DIP2C: variants seen among roughly 807,000 people sequenced by gnomAD.
DIP2C encodes the protein disco-interacting protein 2 homolog C.
Under a neutral mutation model 192.4 loss-of-function variants are expected in DIP2C, and 33 were observed. The ratio of observed to expected loss-of-function variants is 0.17; its 90% CI spans 0.13 to 0.23. DIP2C has a LOEUF of 0.23. DIP2C is among the 10% of genes least tolerant of loss of function. The pLI, the probability that DIP2C is intolerant of heterozygous loss-of-function variation, is 1.00. For missense variants in DIP2C, 1,537 were observed against 2,110.1 expected (o/e 0.73, Z 5.32); for synonymous variants, 979 against 864.1 (o/e 1.13, Z -2.33).
intron 1 of DIP2C, among the ~76,000 whole-genome samples, chr10:602,079 C>CGGGGTG (rs1320855357): frequency 9.5e-5 from 5 of 52,826 alleles, no homozygotes; most frequent in South Asian, 6.7e-4. Flanking sequence ...TAAATAAGGT[C>CGGGGTG]GGGGTGGGGG....
At chr10:387,633 A>AG (rs1308391360) in intron 14 of DIP2C, 112 bp downstream of exon 14, 2 of 669,624 alleles carry the variant, frequency 3.0e-6, no homozygotes, top group Non-Finnish European at 2.5e-6. Flanking sequence ...CAGTGTGGGG[A>AG]GGGGACTCCT....
intron 31 of DIP2C, among the ~76,000 whole-genome samples, chr10:316,806 C>A (rs1009550046): frequency 6.6e-6 from 1 of 152,168 alleles, no homozygotes; most frequent in Non-Finnish European, 1.5e-5. Flanking sequence ...TAACATACTG[C>A]CATTTATGTT....
At chr10:498,458 T>C (rs1256189694) in intron 1 of DIP2C, among the ~76,000 whole-genome samples, 1 of 152,166 alleles carries the variant, frequency 6.6e-6, no homozygotes, top group African/African-American at 2.4e-5. Context: ...GTGGAGATGC[T>C]TGCCTCCCCT....
At chr10:339,645 G>C (rs1958046862) in intron 29 of DIP2C, among the ~76,000 whole-genome samples, 1 of 152,106 alleles carries the variant, frequency 6.6e-6, no homozygotes, top group African/African-American at 2.4e-5. Flanking sequence ...CTGCCGTTCA[G>C]CTTGGCGCAT....
At chr10:369,806 G>C (rs752122408) in intron 17 of DIP2C, 173 bp from the exon 18 acceptor site, 1 of 1,327,384 alleles carries the variant, frequency 7.5e-7, no homozygotes, top group South Asian at 1.3e-5. Context: ...TTCTGTTTAT[G>C]AACAGCTGGC....
chr10:428,043 GATCC>G (rs897649986), intron 4 of DIP2C, among the ~76,000 whole-genome samples: 4 of 152,162 alleles, frequency 2.6e-5, no homozygotes, highest in Non-Finnish European at 4.4e-5. Flanking sequence ...GCATGTGTTA[GATCC>G]ATCTAACAGA....
At chr10:487,268 G>A (rs769036411) in intron 1 of DIP2C, among the ~76,000 whole-genome samples, 4 of 152,178 alleles carry the variant, frequency 2.6e-5, no homozygotes, top group Non-Finnish European at 2.9e-5. Context: ...TTTTGGATCT[G>A]TTGTATTGTT....
chr10:309,490 T>C (rs3097731), intron 32 of DIP2C, among the ~76,000 whole-genome samples: 150,506 of 152,090 alleles, frequency 0.99, 74,490 homozygotes, highest in Middle Eastern at 1. Flanking sequence ...TCCAGTGAGA[T>C]GGTCAGATAA....
intron 5 of DIP2C, among the ~76,000 whole-genome samples, chr10:419,581 C>T (rs1050497138): frequency 1.3e-5 from 2 of 152,164 alleles, no homozygotes; most frequent in Admixed American, 6.5e-5. Context: ...AATTGGAAAC[C>T]CGGCTCTGGA....
chr10:314,511 G>A (rs1956694099), intron 31 of DIP2C, among the ~76,000 whole-genome samples: 1 of 152,190 alleles, frequency 6.6e-6, no homozygotes, highest in Non-Finnish European at 1.5e-5. Flanking sequence ...AGCCTGAGAG[G>A]GAGGTTGGCC....
intron 28 of DIP2C, among the ~76,000 whole-genome samples, chr10:341,959 A>C (rs1312404521): frequency 1.3e-5 from 2 of 152,190 alleles, no homozygotes; most frequent in Non-Finnish European, 2.9e-5. Context: ...TGTTTTTAGG[A>C]CTGGCGACAA....
At chr10:455,392 G>A (rs1461539773) in intron 3 of DIP2C, among the ~76,000 whole-genome samples, 2 of 115,340 alleles carry the variant, frequency 1.7e-5, no homozygotes, top group South Asian at 2.8e-4. Flanking sequence ...ACCGTGAGGA[G>A]TAAATGAGAT....
chr10:306,286 G>T (rs570315818), intron 32 of DIP2C, among the ~76,000 whole-genome samples: 45 of 151,832 alleles, frequency 3.0e-4, no homozygotes, highest in Non-Finnish European at 5.7e-4. Flanking sequence ...ACCCACCATG[G>T]CTCCAAGAAT....
chr10:298,560 G>A (rs1955870630), intron 32 of DIP2C, among the ~76,000 whole-genome samples: 1 of 152,208 alleles, frequency 6.6e-6, no homozygotes, highest in Non-Finnish European at 1.5e-5. Flanking sequence ...TGGCCTCATG[G>A]AGGGCACAGC....
In DIP2C at chr10:304,559, A is replaced by G. The variant is rs961565907; in HGVS notation, c.3986+5472T>C. Among the ~76,000 whole-genome samples, 316 of 139,950 alleles carry G rather than the reference A, an allele frequency of 2.3e-3. 2 individuals are homozygous for G. The highest frequency in any genetic ancestry group is 8.5e-3 in the African/African-American group (281 of 33,000). 91.8% of individuals were successfully genotyped at this position (139,950 alleles called of 152,430 possible). On this transcript the variant is annotated intron_variant, in intron 32 of 36. Coordinates refer to ENST00000280886, the MANE Select transcript of DIP2C (RefSeq NM_014974.3). Reference sequence around the variant, plus strand: ...CATGTATGTATGCACACGAATGCACACACACACACACACACTTCCACATAT... The same window carrying G: ...CATGTATGTATGCACACGAATGCACGCACACACACACACACTTCCACATAT...
In DIP2C at chr10:390,993, C is replaced by T. The variant is rs1168955804; in HGVS notation, c.1261-130G>A. ...CAGGATCCAACCCCCAGCCCTGCTG[C>T]TTGGTATCTGTGGGACCCTGAACAG... is the stretch of plus-strand genomic sequence containing the variant. On this transcript the variant is annotated intron_variant, in intron 10 of 36. Transcript: ENST00000280886. 5.9e-6 allele frequency: 8 copies of T among 1,366,468 alleles called. No individual in the cohort carries two copies. The Admixed American group carries it at 1.1e-4, about 19-fold the overall frequency. The allele number at this position is 1,366,468 out of a possible 1,614,324, so 84.6% of individuals were successfully genotyped here. A position where few individuals can be genotyped will look rare whatever the true frequency, so the allele number is the denominator to read the frequency against.
At chr10:657,609 G>A (rs1369279464) in intron 1 of DIP2C, among the ~76,000 whole-genome samples, 1 of 95,656 alleles carries the variant, frequency 1.0e-5, no homozygotes, top group East Asian at 3.1e-4. Flanking sequence ...CGCTGGACCT[G>A]ATGCTGGACC....
chr10:388,753 GAA>G (rs1359199353), intron 13 of DIP2C, among the ~76,000 whole-genome samples: 3 of 152,330 alleles, frequency 2.0e-5, no homozygotes, highest in South Asian at 2.1e-4. Flanking sequence ...AGTAGAAAAA[GAA>G]AAGTGTTTCA....
At chr10:556,062 C>T (rs532673470) in intron 1 of DIP2C, among the ~76,000 whole-genome samples, 19 of 151,362 alleles carry the variant, frequency 1.3e-4, no homozygotes, top group East Asian at 3.9e-4. Context: ...CTCCCACAAT[C>T]GGATCCCAGG....
Sources: gnomAD v4.1 joint callset for allele counts (sites outside exome capture counted in the v4.1 genomes callset) on GRCh38, gnomAD v4.1.1 for gene constraint, MANE v1.5 for transcripts, NCBI Gene and HGNC (gene_info 2026-07-23, HGNC 2026-07-21) for gene names.